The following CLMN variants were observed in gnomAD, a reference collection of about 807,000 sequenced individuals.
The protein encoded by CLMN is calmin.
A neutral mutation model predicts 92.7 loss-of-function variants in CLMN; 57 were observed. That is an observed-to-expected ratio of 0.61 (90% CI 0.50 to 0.77). The LOEUF is 0.77. Ranked by LOEUF, CLMN falls within the 30% of genes least tolerant of loss-of-function variation. The probability of loss-of-function intolerance (pLI) is 0.00; values close to 1 mark genes in which losing one functional copy is unlikely to be tolerated. For missense variants in CLMN, 1,158 were observed against 1,237.5 expected (o/e 0.94, Z 0.96); for synonymous variants, 466 against 470.6 (o/e 0.99, Z 0.13).
chr14:95,316,190 T>C (rs992147617), intron 1 of CLMN, among the ~76,000 whole-genome samples: 5 of 152,234 alleles, frequency 3.3e-5, no homozygotes, highest in Admixed American at 2.6e-4. Flanking sequence ...CTAGAAAATA[T>C]GTCCCTGCCT....
intron 1 of CLMN, among the ~76,000 whole-genome samples, chr14:95,247,898 G>C (rs895532646): frequency 6.6e-6 from 1 of 152,004 alleles, no homozygotes; most frequent in East Asian, 1.9e-4. Context: ...AGAGGAGAGA[G>C]AGAAAAAGAG....
chr14:95,279,912 G>A (rs1042141813), intron 1 of CLMN, among the ~76,000 whole-genome samples: 1 of 151,738 alleles, frequency 6.6e-6, no homozygotes, highest in Admixed American at 6.6e-5. Context: ...CATGCAAGGT[G>A]TATAAGAAAT....
chr14:95,214,735 C>T (rs1167924240), intron 5 of CLMN, among the ~76,000 whole-genome samples: 2 of 146,588 alleles, frequency 1.4e-5, no homozygotes, highest in Non-Finnish European at 3.1e-5. Context: ...CTGAGAGAGA[C>T]AGTATTTTTT....
chr14:95,264,708 C>T (rs1899401280), intron 1 of CLMN, among the ~76,000 whole-genome samples: 1 of 152,006 alleles, frequency 6.6e-6, no homozygotes, highest in Non-Finnish European at 1.5e-5. Flanking sequence ...GCAATGGCAC[C>T]CAGAGATGTG....
chr14:95,201,595 T>C (rs1248966625), intron 9 of CLMN, among the ~76,000 whole-genome samples: 2 of 151,386 alleles, frequency 1.3e-5, no homozygotes, highest in African/African-American at 2.4e-5. Context: ...TTACTTTAAG[T>C]TCTGGGATAC....
In CLMN at chr14:95,194,527, C is replaced by T; in HGVS notation, c.2769+9G>A. ...GCCGTGCGGAAAGAGAAGAAATTCA[C>T]ATACTAACCGATTCCGAAGACCTAT... On this transcript the variant is annotated intron_variant, in intron 11 of 12. Transcript: ENST00000298912. The surrounding 1 kb of genome is among the most constrained non-coding windows in gnomAD (Gnocchi z 4.0). 1 of 1,614,188 alleles carries T rather than the reference C, an allele frequency of 6.2e-7. No homozygotes were observed. Among genetic ancestry groups the T allele is most frequent in the African/African-American group, 1.3e-5 (1 of 75,048 alleles).
intron 4 of CLMN, among the ~76,000 whole-genome samples, chr14:95,221,447 G>A (rs936582621): frequency 2.0e-5 from 3 of 152,188 alleles, no homozygotes; most frequent in Admixed American, 6.5e-5. Flanking sequence ...GCCTTTCTAC[G>A]ACTGAACGTA....
In CLMN at chr14:95,194,127, A is replaced by C. The variant is rs1450942180; in HGVS notation, c.2770-208T>G. On this transcript the variant is annotated intron_variant, in intron 11 of 12. Coordinates refer to ENST00000298912, the MANE Select transcript of CLMN (RefSeq NM_024734.4). The surrounding 1 kb of genome is among the most constrained non-coding windows in gnomAD (Gnocchi z 4.0). ...TAAGCCCCTCCCTTGTGAGTGCGAGAGACCCCACCACCCGGAACCCGGATT... is the reference window on the plus strand; with the variant it reads ...TAAGCCCCTCCCTTGTGAGTGCGAGCGACCCCACCACCCGGAACCCGGATT... 3.5e-6 allele frequency: 5 copies of C among 1,417,122 alleles called. No individual in the cohort carries two copies. The East Asian group carries it at 1.3e-4, about 36-fold the overall frequency. The allele number at this position is 1,417,122 out of a possible 1,614,324, so 87.8% of individuals were successfully genotyped here. A position where few individuals can be genotyped will look rare whatever the true frequency, so the allele number is the denominator to read the frequency against.
intron 1 of CLMN, among the ~76,000 whole-genome samples, chr14:95,292,506 A>G (rs2140761700): frequency 7.2e-6 from 1 of 138,362 alleles, no homozygotes; most frequent in Admixed American, 7.7e-5. Flanking sequence ...AGGAGGTGTA[A>G]GTAAAAGCCT....
chr14:95,279,897 T>A (rs1900079551), intron 1 of CLMN, among the ~76,000 whole-genome samples: 1 of 152,162 alleles, frequency 6.6e-6, no homozygotes, highest in African/African-American at 2.4e-5. Flanking sequence ...AAAGAAACAG[T>A]TTTACATGCA....
chr14:95,309,095 C>G (rs866919469), intron 1 of CLMN, among the ~76,000 whole-genome samples: 1 of 152,094 alleles, frequency 6.6e-6, no homozygotes, highest in Non-Finnish European at 1.5e-5. Context: ...GAAACACAGA[C>G]GACATCATTC....
chr14:95,225,988 T>TC (rs1595592548), intron 2 of CLMN, among the ~76,000 whole-genome samples: 1 of 152,106 alleles, frequency 6.6e-6, no homozygotes, highest in African/African-American at 2.4e-5. Context: ...CAAACTCTGT[T>TC]CCCCGGAACC....
Position 95,203,103 on chromosome 14 carries a change from T to C in CLMN, c.2246A>G (p.Asp749Gly), listed in dbSNP as rs1896933190. 1 of 1,613,610 alleles carries C rather than the reference T, an allele frequency of 6.2e-7. No individual in the cohort carries two copies. The highest frequency in any genetic ancestry group is 2.2e-5 in the East Asian group (1 of 44,876). The change falls in exon 9 of 13, where the codon GAT becomes GGT. Residue 749 changes from aspartate (D) to glycine (G), a missense_variant. Transcript: ENST00000298912. The part of the protein sequence containing the change: ...VLEAYVEDPE[D>G]LKNEEMDLEE... ...GAGATCCATTTCTTCATTTTTTAGATCCTCCGGGTCTTCTACATAAGCCTC... is the reference window on the plus strand; with the variant it reads ...GAGATCCATTTCTTCATTTTTTAGACCCTCCGGGTCTTCTACATAAGCCTC...
chr14:95,266,005 C>A lies in CLMN; in HGVS notation c.83-35872G>T, dbSNP rs116512147. ...GGCACAAGATGCCAGAGGATGGGAC[C>A]ACCCCACCTGGTCATCAGCTTTAGA... On this transcript the variant is annotated intron_variant, in intron 1 of 12. Coordinates refer to ENST00000298912, the MANE Select transcript of CLMN (RefSeq NM_024734.4). 4.5e-3 allele frequency among the ~76,000 whole-genome samples: 686 copies of A among 152,332 alleles called. 5 individuals are homozygous for A. Among genetic ancestry groups the A allele is most frequent in the African/African-American group, 0.016 (651 of 41,574 alleles).
chr14:95,238,358 C>T (rs1898126782), intron 1 of CLMN, among the ~76,000 whole-genome samples: 1 of 152,234 alleles, frequency 6.6e-6, no homozygotes, highest in Non-Finnish European at 1.5e-5. Flanking sequence ...ACCAGGCCAA[C>T]GTCCTTCGGT....
intron 1 of CLMN, among the ~76,000 whole-genome samples, chr14:95,268,740 G>A (rs117657779): frequency 3.4e-5 from 5 of 148,768 alleles, no homozygotes; most frequent in Non-Finnish European, 6.0e-5. Flanking sequence ...CTATGAAAGA[G>A]GTTACCACTG....
intron 1 of CLMN, among the ~76,000 whole-genome samples, chr14:95,297,682 T>G (rs1422832911): frequency 3.3e-5 from 5 of 152,200 alleles, no homozygotes; most frequent in African/African-American, 1.2e-4. Context: ...GCTGTGTGCA[T>G]TAGCAGTTCT....
chr14:95,205,395 G>T (rs35034544), intron 8 of CLMN, among the ~76,000 whole-genome samples: 1 of 152,112 alleles, frequency 6.6e-6, no homozygotes, highest in African/African-American at 2.4e-5. Context: ...GAATTCACAA[G>T]CAAAGGCTCT....
At chr14:95,273,082 T>C (rs887023250) in intron 1 of CLMN, among the ~76,000 whole-genome samples, 5 of 152,218 alleles carry the variant, frequency 3.3e-5, no homozygotes, top group Non-Finnish European at 7.3e-5. Context: ...ACACACTATT[T>C]AGCATGCTCT....
Sources: allele counts gnomAD v4.1 joint callset (sites outside exome capture counted in the v4.1 genomes callset), GRCh38; gene constraint gnomAD v4.1.1; non-coding constraint Gnocchi (gnomAD v3.1); transcripts MANE v1.5; gene names NCBI Gene and HGNC (gene_info 2026-07-23, HGNC 2026-07-21).